The following RPGRIP1 variants were observed in gnomAD, a reference collection of about 807,000 sequenced individuals.
RPGRIP1 encodes the protein X-linked retinitis pigmentosa GTPase regulator-interacting protein 1.
RPGRIP1 carries 128 observed loss-of-function variants against 157.9 expected under a neutral mutation model. That is an observed-to-expected ratio of 0.81 (90% CI 0.70 to 0.94). The LOEUF (loss-of-function observed/expected upper bound fraction) is 0.94. Among genes scored for constraint, RPGRIP1 ranks in the 40% least tolerant of loss-of-function variants. The probability of loss-of-function intolerance (pLI) is 0.00; values close to 1 mark genes in which losing one functional copy is unlikely to be tolerated. For missense variants in RPGRIP1, 1,486 were observed against 1,545.8 expected, an observed-to-expected ratio of 0.96 and a Z score of 0.65; for synonymous variants, 554 against 571.6, an observed-to-expected ratio of 0.97 and a Z score of 0.44.
chr14:21,322,345 G>A (rs1362204153), intron 14 of RPGRIP1, among the ~76,000 whole-genome samples: 3 of 152,160 alleles, frequency 2.0e-5, no homozygotes, highest in Non-Finnish European at 4.4e-5. Flanking sequence ...TTTTAGTAGA[G>A]ATGGGGTTTC....
chr14:21,335,806 C>CAAAAAAAAAAAAAAAAAA (rs536624884), intron 21 of RPGRIP1, among the ~76,000 whole-genome samples: 2 of 149,902 alleles, frequency 1.3e-5, no homozygotes, highest in Admixed American at 6.6e-5. Flanking sequence ...GACTACGTCT[C>CAAAAAAAAAAAAAAAAAA]AAAAAAAAGA....
At chr14:21,330,214 A>G (rs763593096) in intron 19 of RPGRIP1, 35 bp from the exon 20 acceptor site, 4 of 1,446,464 alleles carry the variant, frequency 2.8e-6, no homozygotes, top group Non-Finnish European at 3.6e-6. Flanking sequence ...CCAAGATATT[A>G]CCAGCTATGT....
chr14:21,300,902 C>T, intron 3 of RPGRIP1, 64 bp from the exon 4 acceptor site: 1 of 1,561,792 alleles, frequency 6.4e-7, no homozygotes, highest in African/African-American at 1.4e-5. Flanking sequence ...TTATATGTCC[C>T]AAATAACCCG....
At chr14:21,301,284 G>T in intron 4 of RPGRIP1, 47 bp downstream of exon 4, 2 of 1,536,920 alleles carry the variant, frequency 1.3e-6, no homozygotes, top group South Asian at 1.2e-5. Context: ...CACTGGGAAG[G>T]ACTGATGTGC....
chr14:21,328,347 G>A (rs1883335753), intron 18 of RPGRIP1, 77 bp from the exon 19 acceptor site: 4 of 1,070,958 alleles, frequency 3.7e-6, no homozygotes, highest in South Asian at 3.1e-5. Flanking sequence ...TCTAACACTA[G>A]TTCCCAAATC....
In RPGRIP1 at chr14:21,330,347, T is replaced by A. The variant is rs1883607986; in HGVS notation, c.3198T>A (p.His1066Gln). 6.4e-7 allele frequency: 1 copy of A among 1,573,550 alleles called. No individual in the cohort carries two copies. Among genetic ancestry groups the A allele is most frequent in the Non-Finnish European group, 8.6e-7 (1 of 1,164,534 alleles). ...QHEEEEMTLS[H>Q]SALKQKEPLH... is the part of the protein sequence containing the mutation. ...AGGAAGAGGAAATGACATTATCCCA[T>A]TCAGCACTGAAACAGAAGGAACCTC... Residue 1066 changes from histidine (H) to glutamine (Q), a missense_variant, in exon 20 of 25, where the codon CAT becomes CAA. Physicochemically the swap from His to Gln is conservative, Grantham distance 24. Transcript: ENST00000400017.
chr14:21,311,697 G>A, intron 8 of RPGRIP1, 127 bp from the exon 9 acceptor site: 1 of 715,204 alleles, frequency 1.4e-6, no homozygotes, highest in Non-Finnish European at 2.3e-6. Flanking sequence ...CAGTACAAAG[G>A]TAATAAGCTA....
chr14:21,322,645 C>A lies in RPGRIP1; in HGVS notation c.1762+641C>A, dbSNP rs542205360. ...ACAATCTCTCTCTCTCTCTCTCATTCTTTCTCTCTTGCTCCTCTCCCCTGT... is the reference window on the plus strand; with the variant it reads ...ACAATCTCTCTCTCTCTCTCTCATTATTTCTCTCTTGCTCCTCTCCCCTGT... On this transcript the variant is annotated intron_variant, in intron 14 of 24. Transcript: ENST00000400017. Among the ~76,000 whole-genome samples, 4 of 152,202 alleles carry A rather than the reference C, an allele frequency of 2.6e-5. No homozygotes were observed. The South Asian group carries it at 8.3e-4, about 32-fold the overall frequency.
chr14:21,338,310 G>A (rs1399433797), intron 21 of RPGRIP1, among the ~76,000 whole-genome samples: 1 of 152,074 alleles, frequency 6.6e-6, no homozygotes. Context: ...AGTGAATATC[G>A]AGAACCTCAA....
Position 21,301,099 on chromosome 14 carries a change from C to T in RPGRIP1, c.352C>T (p.Arg118Cys), listed in dbSNP as rs1881007221. The T allele has an allele frequency of 1.9e-6, 3 of 1,611,574 alleles. No individual in the cohort carries two copies. In the African/African-American group the frequency reaches 4.0e-5, roughly 22 times the overall value. Residue 118 changes from arginine (R) to cysteine (C), a missense_variant, in exon 4 of 25, where the codon CGC (arginine) becomes TGC (cysteine). Physicochemically the swap from Arg to Cys is radical, Grantham distance 180. Coordinates refer to ENST00000400017, the MANE Select transcript of RPGRIP1 (RefSeq NM_020366.4). ...GCGGCAGCGCCTCTCCATGCACCAG[C>T]GCCCCCAGATGCACCGACTGCAAGG... ...GWRQRLSMHQ[R>C]PQMHRLQGHF...
intron 3 of RPGRIP1, among the ~76,000 whole-genome samples, chr14:21,299,459 C>T (rs1435935709): frequency 3.9e-5 from 6 of 152,006 alleles, no homozygotes; most frequent in East Asian, 1.9e-4. Flanking sequence ...ATGCCCCTGG[C>T]TTTGGGCAAG....
chr14:21,315,481 T>A (rs1356957828), intron 10 of RPGRIP1, among the ~76,000 whole-genome samples: 1 of 143,594 alleles, frequency 7.0e-6, no homozygotes, highest in African/African-American at 2.6e-5. Flanking sequence ...CACTCCAGCC[T>A]GGGCGACAGA....
chr14:21,347,722 G>A (rs28621906), intron 23 of RPGRIP1, among the ~76,000 whole-genome samples: 2,337 of 152,140 alleles, frequency 0.015, 70 homozygotes, highest in African/African-American at 0.053. Context: ...AATCAGTACA[G>A]GGTTTCTTTT....
chr14:21,315,051 G>A (rs1236381391), intron 10 of RPGRIP1, among the ~76,000 whole-genome samples: 2 of 151,788 alleles, frequency 1.3e-5, no homozygotes. Context: ...GGGCATGGTG[G>A]CGTGCATCTG....
intron 21 of RPGRIP1, among the ~76,000 whole-genome samples, chr14:21,339,371 A>G (rs1884746539): frequency 1.3e-5 from 2 of 152,114 alleles, no homozygotes; most frequent in African/African-American, 4.8e-5. Context: ...GTTTGAACCA[A>G]GGAGTCGGAG....
intron 8 of RPGRIP1, among the ~76,000 whole-genome samples, chr14:21,311,597 A>G (rs1881544179): frequency 6.6e-6 from 1 of 152,168 alleles, no homozygotes; most frequent in South Asian, 2.1e-4. Context: ...AGCTCAAATG[A>G]TGAACTACAA....
intron 7 of RPGRIP1, 61 bp downstream of exon 7, chr14:21,307,897 T>C: frequency 2.3e-6 from 2 of 879,666 alleles, no homozygotes; most frequent in Non-Finnish European, 3.5e-6. Context: ...AAGAGATTCA[T>C]ATTATTTTCT....
intron 2 of RPGRIP1, among the ~76,000 whole-genome samples, chr14:21,293,865 C>T (rs1156747092): frequency 6.7e-6 from 1 of 149,806 alleles, no homozygotes; most frequent in Non-Finnish European, 1.5e-5. Flanking sequence ...GGCGAGAGTG[C>T]GAGACTCCGT....
intron 21 of RPGRIP1, among the ~76,000 whole-genome samples, chr14:21,337,913 G>T (rs973566978): frequency 7.9e-5 from 12 of 151,152 alleles, no homozygotes; most frequent in African/African-American, 2.9e-4. Context: ...ACGCTGTCAC[G>T]TCCAGCTAAT....
Sources: allele counts gnomAD v4.1 joint callset (sites outside exome capture counted in the v4.1 genomes callset), GRCh38; gene constraint gnomAD v4.1.1; transcripts MANE v1.5; gene names NCBI Gene and HGNC (gene_info 2026-07-23, HGNC 2026-07-21).